Variants in PDXDC1 observed in about 807,000 individuals in gnomAD.
The protein encoded by PDXDC1 is pyridoxal-dependent decarboxylase domain-containing protein 1.
PDXDC1 carries 42 observed loss-of-function variants against 100.1 expected under a neutral mutation model. The ratio of observed to expected loss-of-function variants is 0.42; its 90% CI spans 0.33 to 0.54. The LOEUF is 0.54. PDXDC1 is among the 20% of genes least tolerant of loss of function. The pLI, the probability that PDXDC1 is intolerant of heterozygous loss-of-function variation, is 0.10. For missense variants in PDXDC1, 636 were observed against 979.2 expected, an observed-to-expected ratio of 0.65 and a Z score of 4.68; for synonymous variants, 260 against 371.7, an observed-to-expected ratio of 0.70 and a Z score of 3.46.
At chr16:15,001,222 C>T (rs1382399359) in intron 3 of PDXDC1, among the ~76,000 whole-genome samples, 2 of 152,256 alleles carry the variant, frequency 1.3e-5, no homozygotes, top group East Asian at 3.8e-4. Flanking sequence ...GGCGTGGTGG[C>T]TCATGCCTGT....
intron 16 of PDXDC1, among the ~76,000 whole-genome samples, chr16:15,059,623 G>A (rs1290347945): frequency 1.3e-5 from 2 of 152,152 alleles, no homozygotes; most frequent in African/African-American, 4.8e-5. Context: ...GACCAAACCA[G>A]AGCACACAGA....
At chr16:15,071,358 T>C (rs1454677691) in intron 16 of PDXDC1, 3 of 1,023,862 alleles carry the variant, frequency 2.9e-6, no homozygotes, top group African/African-American at 1.6e-5. Flanking sequence ...AGTTCTACTA[T>C]CTCATAACTA....
chr16:15,117,848 A>C (rs1366179377), intron 16 of PDXDC1, among the ~76,000 whole-genome samples: 1 of 30,316 alleles, frequency 3.3e-5, no homozygotes, highest in Non-Finnish European at 6.8e-5. Context: ...AGGCAGTGCC[A>C]AATGACGTGT....
chr16:15,042,952 G>A (rs923989960), downstream of PDXDC1, among the ~76,000 whole-genome samples: 1 of 150,020 alleles, frequency 6.7e-6, no homozygotes, highest in East Asian at 2.0e-4. Context: ...CCATGCTGGA[G>A]TGCAATGGTG....
intron 16 of PDXDC1, among the ~76,000 whole-genome samples, chr16:15,111,535 G>C (rs1481950022): frequency 6.7e-6 from 1 of 148,232 alleles, no homozygotes; most frequent in Non-Finnish European, 1.5e-5. Flanking sequence ...CGAGGCGGGT[G>C]AATCACAAGG....
chr16:15,020,293 A>C (rs1324971814), intron 12 of PDXDC1, among the ~76,000 whole-genome samples: 1 of 152,292 alleles, frequency 6.6e-6, no homozygotes, highest in Non-Finnish European at 1.5e-5. Flanking sequence ...GAGCTCTTGC[A>C]GTAGTGTCTG....
downstream of PDXDC1, among the ~76,000 whole-genome samples, chr16:15,143,988 C>G (rs1163812857): frequency 6.6e-6 from 1 of 152,160 alleles, no homozygotes. Flanking sequence ...GGGACCGGCT[C>G]GGAGGGGCCA....
intron 16 of PDXDC1, among the ~76,000 whole-genome samples, chr16:15,054,786 A>ACTCT (rs2044436829): frequency 6.6e-6 from 1 of 152,090 alleles, no homozygotes; most frequent in African/African-American, 2.4e-5. Context: ...TGAGGACACT[A>ACTCT]CTCTTATCTG....
chr16:14,986,978 A>G (rs1175693814), intron 1 of PDXDC1, among the ~76,000 whole-genome samples: 3 of 152,268 alleles, frequency 2.0e-5, no homozygotes, highest in East Asian at 1.9e-4. Context: ...AACTCTTGAC[A>G]TTGGGTGATC....
At chr16:15,057,030 A>G (rs1203129806) in intron 16 of PDXDC1, among the ~76,000 whole-genome samples, 1 of 152,298 alleles carries the variant, frequency 6.6e-6, no homozygotes, top group East Asian at 1.9e-4. Context: ...AATATTGCTC[A>G]AATTCATCCA....
intron 16 of PDXDC1, chr16:15,135,245 CCAAGG>C (rs1313639909): frequency 1.2e-6 from 1 of 860,764 alleles, no homozygotes; most frequent in Non-Finnish European, 1.9e-6. Context: ...GTTGGGCTGT[CCAAGG>C]CAAGTGGCCG....
intron 1 of PDXDC1, among the ~76,000 whole-genome samples, chr16:14,984,704 A>G (rs1358755829): frequency 6.6e-6 from 1 of 151,912 alleles, no homozygotes; most frequent in African/African-American, 2.4e-5. Flanking sequence ...ACCATGTTGG[A>G]CAGGCTGGTC....
intron 16 of PDXDC1, chr16:15,091,501 G>A (rs1026842819): frequency 3.3e-5 from 22 of 662,326 alleles, no homozygotes; most frequent in East Asian, 8.7e-5. Context: ...TGTCAATTGC[G>A]GATTATAAAA....
At chr16:15,040,267 G>A (rs970167045), downstream of PDXDC1, 53 of 436,636 alleles carry the variant, frequency 1.2e-4, no homozygotes, top group African/African-American at 1.0e-3. Flanking sequence ...GCTGAGGCTC[G>A]AGCTGGACTC....
At chr16:15,090,099 A>G (rs2046072907) in intron 16 of PDXDC1, among the ~76,000 whole-genome samples, 1 of 151,842 alleles carries the variant, frequency 6.6e-6, no homozygotes, top group Admixed American at 6.6e-5. Flanking sequence ...AATCTCAGCT[A>G]TTTGGGAGGC....
chr16:15,069,664 T>G (rs1223325062), intron 16 of PDXDC1, among the ~76,000 whole-genome samples: 1 of 152,188 alleles, frequency 6.6e-6, no homozygotes, highest in Non-Finnish European at 1.5e-5. Context: ...GACTTTCCTG[T>G]GCTTTAGTGC....
At chr16:15,093,159 C>A (rs760643447) in intron 16 of PDXDC1, among the ~76,000 whole-genome samples, 11 of 152,156 alleles carry the variant, frequency 7.2e-5, no homozygotes, top group South Asian at 2.1e-4. Flanking sequence ...CACCTGCCAC[C>A]ATGCCCGGCT....
At chr16:15,085,696 G>A (rs756505606) in intron 16 of PDXDC1, 16 of 1,612,934 alleles carry the variant, frequency 9.9e-6, no homozygotes, top group Admixed American at 1.7e-5. Flanking sequence ...ATGATCACTC[G>A]GGCTTTTGAG....
intron 16 of PDXDC1, chr16:15,085,827 G>C: frequency 7.3e-7 from 1 of 1,367,978 alleles, no homozygotes; most frequent in Non-Finnish European, 9.9e-7. Context: ...TCCAAAGTTA[G>C]CCCAATGATT....
Sources: gnomAD v4.1 joint callset for allele counts (sites outside exome capture counted in the v4.1 genomes callset) on GRCh38, gnomAD v4.1.1 for gene constraint, MANE v1.5 for transcripts, NCBI Gene and HGNC (gene_info 2026-07-23, HGNC 2026-07-21) for gene names.